The following PRH1 variants were observed in gnomAD, a reference collection of about 807,000 sequenced individuals.
The protein encoded by PRH1 is proline rich protein HaeIII subfamily 1.
Under a neutral mutation model 7.9 loss-of-function variants are expected in PRH1, and 7 were observed. The observed-to-expected ratio is 0.89, with a 90% confidence interval of 0.50 to 1.67. PRH1 has a LOEUF of 1.67. Ranked by LOEUF, PRH1 falls within the 40% of genes most tolerant of loss-of-function variation. The pLI is 0.00. For synonymous variants in PRH1, 45 were observed against 80.8 expected, an observed-to-expected ratio of 0.56 and a Z score of 2.38; for missense variants, 109 against 223.6, an observed-to-expected ratio of 0.49 and a Z score of 3.27.
At chr12:10,983,767 C>A (rs1036816886) in intron 1 of PRH1, among the ~76,000 whole-genome samples, 3 of 152,206 alleles carry the variant, frequency 2.0e-5, no homozygotes, top group African/African-American at 7.2e-5. Context: ...TGCTGTCTCT[C>A]TCATCTCATT....
chr12:11,170,008 T>C (rs909345493), intron 1 of PRH1, among the ~76,000 whole-genome samples: 1 of 152,204 alleles, frequency 6.6e-6, no homozygotes, highest in African/African-American at 2.4e-5. Flanking sequence ...AGACATGCAG[T>C]GCACGGTGCG....
At chr12:10,899,819 A>C (rs1260991355) in intron 2 of PRH1, among the ~76,000 whole-genome samples, 1 of 152,246 alleles carries the variant, frequency 6.6e-6, no homozygotes, top group Non-Finnish European at 1.5e-5. Flanking sequence ...AAATTATTTC[A>C]GTGAATTAAA....
intron 2 of PRH1, among the ~76,000 whole-genome samples, chr12:10,904,222 C>A (rs1448767184): frequency 2.6e-5 from 4 of 151,322 alleles, no homozygotes; most frequent in African/African-American, 9.7e-5. Context: ...ATAGCAAAAG[C>A]AACCCTAAGC....
intron 1 of PRH1, among the ~76,000 whole-genome samples, chr12:11,096,797 G>T (rs149055154): frequency 0.057 from 6,420 of 112,906 alleles, 2,026 homozygotes; most frequent in Non-Finnish European, 0.085. Flanking sequence ...TGTTTTTTTT[G>T]TTGTTGTTGT....
intron 1 of PRH1, among the ~76,000 whole-genome samples, chr12:11,027,781 C>T (rs577924731): frequency 1.3e-5 from 2 of 152,250 alleles, no homozygotes; most frequent in African/African-American, 4.8e-5. Context: ...CTCTGACAAG[C>T]CTGTTGGAGA....
intron 1 of PRH1, among the ~76,000 whole-genome samples, chr12:11,012,879 A>C (rs186592201): frequency 2.0e-5 from 3 of 152,246 alleles, no homozygotes; most frequent in African/African-American, 7.2e-5. Flanking sequence ...TGAGCAGAAT[A>C]CAGAAGGTTC....
chr12:10,889,559 G>C (rs1225799561), intron 2 of PRH1, among the ~76,000 whole-genome samples: 4 of 152,098 alleles, frequency 2.6e-5, no homozygotes, highest in African/African-American at 4.8e-5. Flanking sequence ...GCTCTTTGCT[G>C]TGTTTGGAAA....
intron 1 of PRH1, among the ~76,000 whole-genome samples, chr12:11,014,675 T>G (rs773876664): frequency 5.3e-5 from 8 of 150,910 alleles, no homozygotes; most frequent in Non-Finnish European, 1.0e-4. Flanking sequence ...TGAAGGAAAG[T>G]GTAAGTCCCC....
intron 1 of PRH1, chr12:10,986,893 C>G (rs1379222256): frequency 7.1e-7 from 1 of 1,404,596 alleles, no homozygotes; most frequent in Admixed American, 2.5e-5. Context: ...AAAATGCAAG[C>G]CTAATATCAC....
chr12:11,023,105 T>C (rs1290081936), intron 1 of PRH1, among the ~76,000 whole-genome samples: 3 of 152,168 alleles, frequency 2.0e-5, no homozygotes, highest in African/African-American at 7.2e-5. Context: ...AAATACCAGA[T>C]TCTAAACCTT....
At chr12:10,994,045 T>C (rs1417254883) in intron 1 of PRH1, among the ~76,000 whole-genome samples, 2 of 152,204 alleles carry the variant, frequency 1.3e-5, no homozygotes, top group Non-Finnish European at 2.9e-5. Context: ...CAGTGGAAAT[T>C]ATATGCTCAT....
chr12:11,063,756 A>G (rs1215844656), intron 1 of PRH1, among the ~76,000 whole-genome samples: 1 of 152,086 alleles, frequency 6.6e-6, no homozygotes, highest in Non-Finnish European at 1.5e-5. Context: ...TGAGGTCGAT[A>G]ATTAAGGCTA....
chr12:11,170,051 A>C (rs1370482610), intron 1 of PRH1, among the ~76,000 whole-genome samples: 1 of 152,226 alleles, frequency 6.6e-6, no homozygotes, highest in Admixed American at 6.5e-5. Flanking sequence ...TTTTCAGAAC[A>C]AGACTGTAAC....
At chr12:11,139,891 T>C (rs183285425) in intron 1 of PRH1, among the ~76,000 whole-genome samples, 4 of 152,176 alleles carry the variant, frequency 2.6e-5, no homozygotes, top group Non-Finnish European at 5.9e-5. Flanking sequence ...CATTGTTTCA[T>C]ATCCTTTCCA....
intron 1 of PRH1, among the ~76,000 whole-genome samples, chr12:11,130,423 G>A (rs1946303028): frequency 6.6e-6 from 1 of 152,060 alleles, no homozygotes; most frequent in South Asian, 2.1e-4. Context: ...ATGTTTTGGG[G>A]GCCTACTGGG....
intron 2 of PRH1, among the ~76,000 whole-genome samples, chr12:10,952,359 G>C (rs759628699): frequency 2.0e-5 from 3 of 152,210 alleles, no homozygotes; most frequent in Non-Finnish European, 4.4e-5. Context: ...GTCTTTACGT[G>C]TGAAGAGCAA....
At chr12:11,065,792 A>C (rs1943782711) in intron 1 of PRH1, among the ~76,000 whole-genome samples, 1 of 152,212 alleles carries the variant, frequency 6.6e-6, no homozygotes, top group African/African-American at 2.4e-5. Context: ...TAGGTCACAG[A>C]AGAGATTAAA....
chr12:10,989,083 C>T (rs915888001), intron 1 of PRH1, among the ~76,000 whole-genome samples: 82 of 152,310 alleles, frequency 5.4e-4, no homozygotes, highest in African/African-American at 1.9e-3. Context: ...GCTGGGATTA[C>T]AGGCGTGAGC....
intron 2 of PRH1, chr12:10,938,605 G>A (rs1307988781): frequency 6.2e-7 from 1 of 1,613,798 alleles, no homozygotes; most frequent in East Asian, 2.2e-5. Context: ...TGGAGAAGAT[G>A]AGGAGAAGAA....
Sources: allele counts gnomAD v4.1 joint callset (sites outside exome capture counted in the v4.1 genomes callset), GRCh38; gene constraint gnomAD v4.1.1; transcripts MANE v1.5; gene names NCBI Gene and HGNC (gene_info 2026-07-23, HGNC 2026-07-21).